Variants in RNF19A observed in about 807,000 individuals in gnomAD.
The protein encoded by RNF19A is ring finger protein 19A, RBR E3 ubiquitin protein ligase.
RNF19A carries 32 observed loss-of-function variants against 75.7 expected under a neutral mutation model. That is an observed-to-expected ratio of 0.42 (90% CI 0.32 to 0.57). The LOEUF is 0.57. Among genes scored for constraint, RNF19A ranks in the 20% least tolerant of loss-of-function variants. The pLI is 0.10. For missense variants in RNF19A, 782 were observed against 1,036.3 expected (o/e 0.75, Z 3.37); for synonymous variants, 335 against 345.2 (o/e 0.97, Z 0.33).
rs749502630 is a variant in RNF19A, at chr8:100,331,665, G to A, written c.-243+4443C>T. 2.1e-4 allele frequency among the ~76,000 whole-genome samples: 32 copies of A among 151,924 alleles called. No individual in the cohort carries two copies. Among genetic ancestry groups the A allele is most frequent in the African/African-American group, 6.8e-4 (28 of 41,346 alleles). Reference sequence around the variant, plus strand: ...ACAAAACAAAAACCAGATATACGGCGCAAAATTTGAAAGGAATAAAAGGGT... The same window carrying A: ...ACAAAACAAAAACCAGATATACGGCACAAAATTTGAAAGGAATAAAAGGGT... On this transcript the variant is annotated intron_variant, in intron 1 of 3. Transcript: ENST00000519527. This position sits in a 1 kb window ranked among gnomAD's most constrained non-coding sequence, Gnocchi z 5.2.
At chr8:100,308,118 A>T (rs1822132266) in intron 1 of RNF19A, among the ~76,000 whole-genome samples, 1 of 152,194 alleles carries the variant, frequency 6.6e-6, no homozygotes, top group African/African-American at 2.4e-5. Context: ...CAGTTTTAAA[A>T]ATTAATCTTA....
intron 1 of RNF19A, among the ~76,000 whole-genome samples, chr8:100,318,655 A>C (rs886727859): frequency 3.3e-5 from 5 of 152,266 alleles, no homozygotes; most frequent in Admixed American, 2.0e-4. Flanking sequence ...GAGTGAAATG[A>C]TTCCAAACAA....
chr8:100,272,573 T>C (rs1820309273), intron 3 of RNF19A, among the ~76,000 whole-genome samples: 1 of 151,976 alleles, frequency 6.6e-6, no homozygotes, highest in South Asian at 2.1e-4. Flanking sequence ...GGTCTTGTTC[T>C]GTCGCTCAGG....
intron 5 of RNF19A, among the ~76,000 whole-genome samples, chr8:100,265,833 T>TAGAACC: frequency 6.6e-6 from 1 of 152,238 alleles, no homozygotes; most frequent in South Asian, 2.1e-4. Context: ...CAGCATTGAC[T>TAGAACC]AGAGGTTCCT....
Position 100,288,188 on chromosome 8 carries a change from T to C in RNF19A, c.-14A>G, listed in dbSNP as rs766198299. 4 of 1,581,712 alleles carry C rather than the reference T, an allele frequency of 2.5e-6. No individual in the cohort carries two copies. The Admixed American group carries it at 5.3e-5, about 21-fold the overall frequency. ...TTGTTCTTGCATTCACATTAAGTCATGATGTAAGAATATCCTACTTGGTTC... is the reference window on the plus strand; with the variant it reads ...TTGTTCTTGCATTCACATTAAGTCACGATGTAAGAATATCCTACTTGGTTC... On this transcript the variant is annotated 5_prime_UTR_variant, in exon 2 of 10. It removes an upstream start codon present in the reference 5' UTR. Coordinates refer to ENST00000341084, the MANE Select transcript of RNF19A (RefSeq NM_183419.4).
Position 100,268,863 on chromosome 8 carries a change from A to G in RNF19A, c.1113T>C (p.Ala371=), listed in dbSNP as rs765477120. Residue 371 remains alanine, a synonymous_variant, in exon 5 of 10, where the codon GCT becomes GCC. Transcript: ENST00000341084. ...CAGCTATTAAAGCGATTCCGACAGGAGCACCAACCAGTGTTCCCAGTTGCC... is the reference window on the plus strand; with the variant it reads ...CAGCTATTAAAGCGATTCCGACAGGGGCACCAACCAGTGTTCCCAGTTGCC... ...ILWQLGTLVG[A]PVGIALIAGI... 1.2e-5 allele frequency: 20 copies of G among 1,605,652 alleles called. No homozygotes were observed. In the South Asian group the frequency reaches 1.8e-4, roughly 14 times the overall value.
Position 100,264,661 on chromosome 8 carries a change from AT to A in RNF19A, c.1306+9del. ...TTGTAGGTAATTAGTACTTTTCAGC[AT>A]TTTCTTACCTACAGTCACTGCAGCT... On this transcript the variant is annotated intron_variant, in intron 6 of 9. Coordinates refer to ENST00000341084, the MANE Select transcript of RNF19A (RefSeq NM_183419.4). This position sits in a 1 kb window ranked among gnomAD's most constrained non-coding sequence, Gnocchi z 4.7. 6.4e-7 allele frequency: 1 copy of A among 1,562,684 alleles called. No homozygotes were observed. The highest frequency in any genetic ancestry group is 8.8e-7 in the Non-Finnish European group (1 of 1,139,494).
At chr8:100,312,704 A>G (rs1168905859), upstream of RNF19A, among the ~76,000 whole-genome samples, 3 of 152,100 alleles carry the variant, frequency 2.0e-5, no homozygotes, top group East Asian at 1.9e-4. Flanking sequence ...TGAGTGGATC[A>G]CTTGAGGCCA....
intron 1 of RNF19A, among the ~76,000 whole-genome samples, chr8:100,291,287 G>A (rs1484809810): frequency 6.6e-6 from 1 of 152,148 alleles, no homozygotes; most frequent in Non-Finnish European, 1.5e-5. Context: ...AGCTGAAATG[G>A]AATGTAAGAT....
chr8:100,269,854 C>T lies in RNF19A; in HGVS notation c.1028+15G>A, dbSNP rs116670424. On this transcript the variant is annotated intron_variant, in intron 4 of 9. Transcript: ENST00000341084. The surrounding 1 kb of genome is among the most constrained non-coding windows in gnomAD (Gnocchi z 5.7). ...AATTACATTTACATATAAATAGCTC[C>T]TTCTATAAGCTTACCTTAGATAATG... 1,505 of 1,557,596 alleles carry T rather than the reference C, an allele frequency of 9.7e-4. 13 individuals are homozygous for T. In the African/African-American group the frequency reaches 0.019, roughly 20 times the overall value.
At chr8:100,316,596 C>T (rs1383742009) in intron 1 of RNF19A, among the ~76,000 whole-genome samples, 2 of 152,152 alleles carry the variant, frequency 1.3e-5, no homozygotes, top group Non-Finnish European at 1.5e-5. Context: ...TCGATTGGTG[C>T]ACTCACAAAC....
chr8:100,268,728 G>T, intron 5 of RNF19A, 57 bp downstream of exon 5: 247 of 728,804 alleles, frequency 3.4e-4, no homozygotes, highest in Middle Eastern at 9.4e-4. Context: ...AATACTAAAA[G>T]AATACACCTA....
chr8:100,332,222 G>T lies in RNF19A; in HGVS notation c.-243+3886C>A, dbSNP rs1183682895. ...CCCCATGTAAATCTTATCTTGAATT[G>T]TAATCCCCATAATCCCCAAGTGTCG... On this transcript the variant is annotated intron_variant, in intron 1 of 3. Coordinates refer to the RNF19A transcript ENST00000519527. The surrounding 1 kb of genome is among the most constrained non-coding windows in gnomAD (Gnocchi z 4.8). Among the ~76,000 whole-genome samples the T allele has an allele frequency of 1.3e-5, 2 of 152,144 alleles. No homozygotes were observed. The highest frequency in any genetic ancestry group is 1.9e-4 in the East Asian group (1 of 5,190).
intron 7 of RNF19A, among the ~76,000 whole-genome samples, chr8:100,263,082 C>T (rs982383994): frequency 3.3e-5 from 5 of 152,158 alleles, no homozygotes; most frequent in Non-Finnish European, 7.4e-5. Context: ...GAAAGTTACA[C>T]ATGCAAGTTT....
chr8:100,289,834 A>T (rs536193398), intron 1 of RNF19A, among the ~76,000 whole-genome samples: 1 of 152,350 alleles, frequency 6.6e-6, no homozygotes, highest in African/African-American at 2.4e-5. Flanking sequence ...TAAAAGACAT[A>T]CTTAACAATG....
At chr8:100,281,850 G>A (rs1425370014) in intron 2 of RNF19A, among the ~76,000 whole-genome samples, 1 of 152,136 alleles carries the variant, frequency 6.6e-6, no homozygotes, top group Non-Finnish European at 1.5e-5. Context: ...TCAGAATCAA[G>A]AGGCTCATGT....
At chr8:100,285,545 A>G (rs1820976063) in intron 2 of RNF19A, among the ~76,000 whole-genome samples, 1 of 150,878 alleles carries the variant, frequency 6.6e-6, no homozygotes, top group Non-Finnish European at 1.5e-5. Context: ...TTAAGTGACC[A>G]GAAGGTTTGT....
chr8:100,334,922 C>T (rs1259600199), intron 1 of RNF19A, among the ~76,000 whole-genome samples: 3 of 152,112 alleles, frequency 2.0e-5, no homozygotes, highest in African/African-American at 7.2e-5. Context: ...GTCTAGGCAC[C>T]AAGATAAGCT....
At chr8:100,293,897 G>C (rs1026917966) in intron 1 of RNF19A, among the ~76,000 whole-genome samples, 2 of 152,032 alleles carry the variant, frequency 1.3e-5, no homozygotes, top group Non-Finnish European at 2.9e-5. Flanking sequence ...TCCATCCAGT[G>C]AAATTTTCAT....
Sources: allele counts gnomAD v4.1 joint callset (sites outside exome capture counted in the v4.1 genomes callset), GRCh38; gene constraint gnomAD v4.1.1; non-coding constraint Gnocchi (gnomAD v3.1); transcripts MANE v1.5; gene names NCBI Gene and HGNC (gene_info 2026-07-23, HGNC 2026-07-21).